OTUD7B: variants seen among roughly 807,000 people sequenced by gnomAD.
The protein encoded by OTUD7B is OTU domain-containing protein 7B.
A neutral mutation model predicts 82.2 loss-of-function variants in OTUD7B; 34 were observed. The observed-to-expected ratio is 0.41, with a 90% CI of 0.31 to 0.55. OTUD7B has a LOEUF of 0.55. Ranked by LOEUF, OTUD7B falls within the 20% of genes least tolerant of loss-of-function variation. The pLI, the probability that OTUD7B is intolerant of heterozygous loss-of-function variation, is 0.20. For synonymous variants in OTUD7B, 398 were observed against 402.7 expected (o/e 0.99, Z 0.14); for missense variants, 944 against 1,062.1 (o/e 0.89, Z 1.55).
intron 1 of OTUD7B, among the ~76,000 whole-genome samples, chr1:149,990,157 G>T (rs1651461620): frequency 6.6e-6 from 1 of 152,184 alleles, no homozygotes; most frequent in Admixed American, 6.5e-5. Context: ...CATGTTATTA[G>T]TGCCCATTGG....
chr1:150,055,830 T>C, the OTUD7B span, among the ~76,000 whole-genome samples: 1 of 152,108 alleles, frequency 6.6e-6, no homozygotes, highest in Non-Finnish European at 1.5e-5. Flanking sequence ...AGAAGCTAAA[T>C]GATGAGAACT....
chr1:149,972,456 A>G (rs1159330334), intron 2 of OTUD7B, among the ~76,000 whole-genome samples: 1 of 152,084 alleles, frequency 6.6e-6, no homozygotes, highest in Non-Finnish European at 1.5e-5. Flanking sequence ...TCCCCAATAT[A>G]TCCACACAGA....
intron 1 of OTUD7B, among the ~76,000 whole-genome samples, chr1:150,006,963 C>T (rs941680503): frequency 6.6e-6 from 1 of 152,182 alleles, no homozygotes; most frequent in Non-Finnish European, 1.5e-5. Context: ...TTAAATCCGT[C>T]CTTTGTTCAA....
At chr1:149,959,921 C>T in intron 6 of OTUD7B, 125 bp from the exon 7 acceptor site, 1 of 651,690 alleles carries the variant, frequency 1.5e-6, no homozygotes, top group South Asian at 1.8e-5. Context: ...ACAAATTGTA[C>T]TACAAAGTCA....
chr1:150,009,979 C>A (rs1652928512), intron 1 of OTUD7B, among the ~76,000 whole-genome samples: 1 of 152,036 alleles, frequency 6.6e-6, no homozygotes, highest in South Asian at 2.1e-4. Flanking sequence ...ACCTTTTTCT[C>A]GCCTTTCCTC....
intron 7 of OTUD7B, among the ~76,000 whole-genome samples, chr1:149,955,509 G>A (rs1425463883): frequency 2.0e-5 from 3 of 152,204 alleles, no homozygotes; most frequent in African/African-American, 7.2e-5. Flanking sequence ...TAAGAAGAAT[G>A]TATATTCTGT....
the OTUD7B span, among the ~76,000 whole-genome samples, chr1:150,021,569 G>C: frequency 6.6e-6 from 1 of 152,190 alleles, no homozygotes; most frequent in East Asian, 1.9e-4. Flanking sequence ...AAAGGAACCA[G>C]TGCTACAGAG....
rs1344566661 is a variant in OTUD7B at position 149,943,666 on chromosome 1, G to A, written c.*191C>T. On this transcript the variant is annotated 3_prime_UTR_variant, in exon 12 of 12. Transcript: ENST00000581312. Reference sequence around the variant, plus strand: ...TGCAGAGGAATAGTACAGCCCCTGAGGTGCCATCCAGCCCCGACCTGCTCT... The same window carrying A: ...TGCAGAGGAATAGTACAGCCCCTGAAGTGCCATCCAGCCCCGACCTGCTCT... 3 of 620,130 alleles carry A rather than the reference G, an allele frequency of 4.8e-6. No homozygotes were observed. The highest frequency in any genetic ancestry group is 1.8e-5 in the African/African-American group (1 of 54,226). The allele number at this position is 620,130 out of a possible 1,614,324, so 38.4% of individuals were successfully genotyped here. A position where few individuals can be genotyped will look rare whatever the true frequency, so the allele number is the denominator to read the frequency against.
At chr1:150,013,935 AT>A (rs1454329065), upstream of OTUD7B, among the ~76,000 whole-genome samples, 660 of 5,150 alleles carry the variant, frequency 0.13, 18 homozygotes, top group South Asian at 0.27. Flanking sequence ...AAAAAAAAAA[AT>A]AATATATATA....
chr1:149,978,744 C>T (rs1157530941), intron 1 of OTUD7B, among the ~76,000 whole-genome samples: 1 of 152,190 alleles, frequency 6.6e-6, no homozygotes, highest in Non-Finnish European at 1.5e-5. Context: ...AGCCTGGCAC[C>T]AATCCAACAT....
chr1:149,997,333 A>G (rs1041209407), intron 1 of OTUD7B, among the ~76,000 whole-genome samples: 2 of 152,216 alleles, frequency 1.3e-5, no homozygotes, highest in Non-Finnish European at 2.9e-5. Flanking sequence ...ATTAGCAAAA[A>G]TACTCAATTG....
chr1:150,067,635 CA>C, the OTUD7B span: 3 of 511,586 alleles, frequency 5.9e-6, no homozygotes, highest in African/African-American at 5.9e-5. Flanking sequence ...CCGCGCGTGG[CA>C]GCGGCCCAGG....
At chr1:149,997,921 T>C (rs906565199) in intron 1 of OTUD7B, among the ~76,000 whole-genome samples, 2 of 152,188 alleles carry the variant, frequency 1.3e-5, no homozygotes, top group African/African-American at 4.8e-5. Flanking sequence ...CAAGTCCTAC[T>C]ACTTACTAGG....
chr1:150,013,427 A>G (rs587706616), upstream of OTUD7B, among the ~76,000 whole-genome samples: 1 of 152,306 alleles, frequency 6.6e-6, no homozygotes, highest in African/African-American at 2.4e-5. Flanking sequence ...GCAGGGAAAA[A>G]AACTATTTAC....
chr1:149,955,660 T>C (rs1447782551), intron 7 of OTUD7B, among the ~76,000 whole-genome samples: 1 of 152,112 alleles, frequency 6.6e-6, no homozygotes, highest in African/African-American at 2.4e-5. Context: ...TCTCCCATTA[T>C]TATTGTGTGG....
chr1:149,956,802 AC>A (rs782123631), intron 7 of OTUD7B, among the ~76,000 whole-genome samples: 13 of 152,244 alleles, frequency 8.5e-5, no homozygotes, highest in Admixed American at 2.0e-4. Flanking sequence ...AATCACTGAT[AC>A]CCTTTCTTCC....
the OTUD7B span, among the ~76,000 whole-genome samples, chr1:150,051,387 CAT>C: frequency 6.6e-6 from 1 of 151,952 alleles, no homozygotes; most frequent in Non-Finnish European, 1.5e-5. Context: ...AAATTATTGA[CAT>C]GAGTCACCTA....
chr1:150,020,451 C>T, the OTUD7B span, among the ~76,000 whole-genome samples: 1 of 152,122 alleles, frequency 6.6e-6, no homozygotes, highest in Admixed American at 6.5e-5. Context: ...GCAGGAGAAT[C>T]GCTTGAACTA....
chr1:149,975,658 A>G (rs1172151105), intron 2 of OTUD7B, among the ~76,000 whole-genome samples: 3 of 152,178 alleles, frequency 2.0e-5, no homozygotes, highest in Non-Finnish European at 4.4e-5. Flanking sequence ...AAGTAACCTA[A>G]CATGATCACC....
Sources: allele counts gnomAD v4.1 joint callset (sites outside exome capture counted in the v4.1 genomes callset), GRCh38; gene constraint gnomAD v4.1.1; transcripts MANE v1.5; gene names NCBI Gene and HGNC (gene_info 2026-07-23, HGNC 2026-07-21).